Variants in NOB1 observed in about 807,000 individuals in gnomAD.
NOB1 encodes NIN1 (RPN12) binding protein 1 homolog.
Under a neutral mutation model 44.8 loss-of-function variants are expected in NOB1, and 44 were observed. The ratio of observed to expected loss-of-function variants is 0.98; its 90% CI spans 0.77 to 1.26. The LOEUF (loss-of-function observed/expected upper bound fraction) is 1.26. NOB1 is among the 50% of genes most tolerant of loss of function. The pLI is 0.00. For missense variants in NOB1, 560 were observed against 544.8 expected, an observed-to-expected ratio of 1.03 and a Z score of -0.28; for synonymous variants, 238 against 218.7, an observed-to-expected ratio of 1.09 and a Z score of -0.78.
Position 69,754,643 on chromosome 16 carries a change from C to A in NOB1, c.147G>T (p.Leu49=). 1 of 1,614,214 alleles carries A rather than the reference C, an allele frequency of 6.2e-7. No homozygotes were observed. The highest frequency in any genetic ancestry group is 8.5e-7 in the Non-Finnish European group (1 of 1,180,054). Residue 49 remains leucine (L), a synonymous_variant, in exon 2 of 9, where the codon CTG becomes CTT. Transcript: ENST00000268802. The part of the protein sequence containing the change: ...DKATRRRLAV[L]PYELRFKEPL... The stretch of plus-strand genomic sequence containing the variant: ...GCTCCTTGAACCGCAGCTCGTAGGG[C>A]AGGACAGCGAGCCGCCTGCGTGTGG...
intron 2 of NOB1, 102 bp from the exon 3 acceptor site, chr16:69,752,473 G>A: frequency 8.4e-7 from 1 of 1,187,180 alleles, no homozygotes; most frequent in Admixed American, 2.1e-5. Flanking sequence ...TCAAAATAAT[G>A]GAAGTATCAA....
intron 7 of NOB1, among the ~76,000 whole-genome samples, chr16:69,747,513 C>T (rs1274577847): frequency 6.6e-6 from 1 of 152,154 alleles, no homozygotes; most frequent in Non-Finnish European, 1.5e-5. Context: ...AGACAAAACA[C>T]AACAAACCTC....
chr16:69,752,456 G>T, intron 2 of NOB1, 85 bp from the exon 3 acceptor site: 1 of 1,366,176 alleles, frequency 7.3e-7, no homozygotes, highest in Non-Finnish European at 1.0e-6. Context: ...AAACAATTTA[G>T]AACAGATCAA....
In NOB1 at chr16:69,749,602, G is replaced by C; in HGVS notation, c.356C>G (p.Pro119Arg). ...KVKVSSSIQHPETPLHISGFH... is the reference protein window; with the variant it reads ...KVKVSSSIQHRETPLHISGFH... ...ACCAGAAATGTGCAGAGGTGTTTCTGGGTGCTGAATCGATGAGCTCACCTT... is the reference window on the plus strand; with the variant it reads ...ACCAGAAATGTGCAGAGGTGTTTCTCGGTGCTGAATCGATGAGCTCACCTT... The change falls in exon 4 of 9, where the codon CCA (proline) becomes CGA (arginine). Residue 119 changes from proline (P) to arginine (R), a missense_variant. Transcript: ENST00000268802. The C allele has an allele frequency of 6.2e-7, 1 of 1,613,398 alleles. No individual in the cohort carries two copies. The highest frequency in any genetic ancestry group is 8.5e-7 in the Non-Finnish European group (1 of 1,179,812).
chr16:69,754,300 G>A (rs569322881), intron 2 of NOB1, among the ~76,000 whole-genome samples: 74 of 152,304 alleles, frequency 4.9e-4, no homozygotes, highest in South Asian at 2.3e-3. Flanking sequence ...TGAGCTGACT[G>A]CCATATTCCT....
At chr16:69,749,513 T>G (rs895142793) in intron 4 of NOB1, 46 bp downstream of exon 4, 1 of 1,568,572 alleles carries the variant, frequency 6.4e-7, no homozygotes, top group African/African-American at 1.4e-5. Flanking sequence ...AGATGTGACA[T>G]GTTTCAGAAA....
intron 6 of NOB1, 75 bp downstream of exon 6, chr16:69,748,843 G>A (rs7189424): frequency 0.22 from 291,086 of 1,303,088 alleles, 36,086 homozygotes; most frequent in African/African-American, 0.39. Flanking sequence ...CACCAGTTCC[G>A]TGTACATCTG....
intron 2 of NOB1, 104 bp downstream of exon 2, chr16:69,754,490 T>C: frequency 6.8e-7 from 1 of 1,466,014 alleles, no homozygotes; most frequent in South Asian, 1.3e-5. Context: ...TGGCTCTAAA[T>C]CTACTGCTCT....
Position 69,744,872 on chromosome 16 carries a change from C to T in NOB1, c.969+1G>A. Reference sequence around the variant, plus strand: ...AGGGGACTGGGAGAGGCGCCACTCACCCGGAGGCCGCGGGGGTTCAGCACC... The same window carrying T: ...AGGGGACTGGGAGAGGCGCCACTCATCCGGAGGCCGCGGGGGTTCAGCACC... On this transcript the variant is annotated splice_donor_variant, in intron 8 of 8. Transcript: ENST00000268802. LOFTEE classifies it high-confidence loss of function. 1 of 1,612,430 alleles carries T rather than the reference C, an allele frequency of 6.2e-7. No homozygotes were observed. The highest frequency in any genetic ancestry group is 1.1e-5 in the South Asian group (1 of 90,906).
chr16:69,745,142 T>A, intron 7 of NOB1, 125 bp from the exon 8 acceptor site: 1 of 969,286 alleles, frequency 1.0e-6, no homozygotes, highest in East Asian at 2.6e-5. Context: ...ACCACACATG[T>A]CACAAAGACG....
intron 8 of NOB1, among the ~76,000 whole-genome samples, chr16:69,744,528 C>A (rs1363423191): frequency 6.6e-6 from 1 of 152,164 alleles, no homozygotes. Context: ...GCCCGTCCGG[C>A]CCTCTCTTCC....
chr16:69,744,191 T>C (rs1260204964), intron 8 of NOB1, among the ~76,000 whole-genome samples: 3 of 152,086 alleles, frequency 2.0e-5, no homozygotes, highest in Non-Finnish European at 4.4e-5. Context: ...CATGGTGGCG[T>C]GTGCCTGTAG....
intron 8 of NOB1, among the ~76,000 whole-genome samples, chr16:69,743,812 G>A (rs1042195788): frequency 2.0e-5 from 3 of 152,208 alleles, no homozygotes; most frequent in Non-Finnish European, 4.4e-5. Context: ...GGCAAAATCT[G>A]GAGTTGGGTC....
rs368351184 is a variant in NOB1 at position 69,748,963 on chromosome 16, G to A, written c.681C>T (p.Pro227=). ...IQQELEQCDV[P]EDVRVGCLTT... ...TCAGGCAGCCAACCCGCACGTCCTC[G>A]GGGACGTCACACTGCTCCAGCTCCT... Residue 227 remains proline (P), a synonymous_variant, in exon 6 of 9, where the codon CCC becomes CCT. Coordinates refer to ENST00000268802, the MANE Select transcript of NOB1 (RefSeq NM_014062.3). 2.0e-5 allele frequency: 32 copies of A among 1,613,412 alleles called. No homozygotes were observed. In the African/African-American group the frequency reaches 2.9e-4, roughly 15 times the overall value.
In NOB1 at chr16:69,743,928, G is replaced by A. The variant is rs544428741; in HGVS notation, c.969+945C>T. ...TTGTTTCAAGGCAAAAGGGCATTAT[G>A]TGTACAATCTACTCAGATGGTTCAG... is the stretch of plus-strand genomic sequence containing the variant. On this transcript the variant is annotated intron_variant, in intron 8 of 8. Transcript: ENST00000268802. Among the ~76,000 whole-genome samples the A allele has an allele frequency of 1.8e-4, 28 of 152,308 alleles. 1 individual carries two copies. Among genetic ancestry groups the A allele is most frequent in the African/African-American group, 6.5e-4 (27 of 41,562 alleles).
chr16:69,743,846 A>C (rs561556144), intron 8 of NOB1, among the ~76,000 whole-genome samples: 1 of 152,380 alleles, frequency 6.6e-6, no homozygotes, highest in African/African-American at 2.4e-5. Flanking sequence ...CTGGTATCGC[A>C]GCGATGCTGA....
intron 6 of NOB1, chr16:69,748,655 A>G: frequency 1.9e-6 from 1 of 525,756 alleles, no homozygotes; most frequent in Non-Finnish European, 3.3e-6. Flanking sequence ...GACTGACCAC[A>G]TGGCATTATA....
At chr16:69,753,950 A>G (rs1322540774) in intron 2 of NOB1, among the ~76,000 whole-genome samples, 1 of 152,072 alleles carries the variant, frequency 6.6e-6, no homozygotes, top group South Asian at 2.1e-4. Context: ...GGATTACAGG[A>G]GCACACCACC....
chr16:69,753,980 T>A (rs1264938431), intron 2 of NOB1, among the ~76,000 whole-genome samples: 1 of 152,194 alleles, frequency 6.6e-6, no homozygotes, highest in African/African-American at 2.4e-5. Context: ...TAATTTTGTA[T>A]TTTTAGTAGA....
Sources: allele counts gnomAD v4.1 joint callset (sites outside exome capture counted in the v4.1 genomes callset), GRCh38; gene constraint gnomAD v4.1.1; transcripts MANE v1.5; gene names NCBI Gene and HGNC (gene_info 2026-07-23, HGNC 2026-07-21).